WDR37: variants seen among roughly 807,000 people sequenced by gnomAD.
WDR37 encodes WD repeat-containing protein 37.
In WDR37, 19 loss-of-function variants were observed where a neutral mutation model predicts 62.9. The observed-to-expected ratio is 0.30, with a 90% confidence interval of 0.21 to 0.44. The LOEUF is 0.44. WDR37 is among the 20% of genes least tolerant of loss of function. The pLI is 1.00. For synonymous variants in WDR37, 250 were observed against 260.9 expected, an observed-to-expected ratio of 0.96 and a Z score of 0.40; for missense variants, 474 against 657.6, an observed-to-expected ratio of 0.72 and a Z score of 3.05.
rs573278368 is a variant in WDR37, at chr10:1,121,700, C to T, written c.1104-2518C>T. On this transcript the variant is annotated intron_variant, in intron 11 of 13. Transcript: ENST00000263150. The surrounding 1 kb of genome is among the most constrained non-coding windows in gnomAD (Gnocchi z 4.5). ...TAGTTTCTAATGTGCCTGGGCAGGG[C>T]GGCTGCTACATCCACAGGCCAGGAT... 3.9e-5 allele frequency among the ~76,000 whole-genome samples: 6 copies of T among 152,284 alleles called. No homozygotes were observed. The highest frequency in any genetic ancestry group is 9.6e-5 in the African/African-American group (4 of 41,568).
rs1835563490 is a variant in WDR37, at chr10:1,121,072, T to C, written c.1104-3146T>C. Among the ~76,000 whole-genome samples, 1 of 152,232 alleles carries C rather than the reference T, an allele frequency of 6.6e-6. No homozygotes were observed. The highest frequency in any genetic ancestry group is 2.4e-5 in the African/African-American group (1 of 41,472). On this transcript the variant is annotated intron_variant, in intron 11 of 13. Coordinates refer to ENST00000263150, the MANE Select transcript of WDR37 (RefSeq NM_014023.4). The surrounding 1 kb of genome is among the most constrained non-coding windows in gnomAD (Gnocchi z 4.5). ...TTGGCAGCGTCGGAACCATTTCCAGTGCACGGCCGTGCGCGCCAGCCTCCC... is the reference window on the plus strand; with the variant it reads ...TTGGCAGCGTCGGAACCATTTCCAGCGCACGGCCGTGCGCGCCAGCCTCCC...
chr10:1,089,613 TTCAACCTTCCCATGCTCACCCACAA>T, intron 7 of WDR37, among the ~76,000 whole-genome samples: 1 of 151,800 alleles, frequency 6.6e-6, no homozygotes, highest in Admixed American at 6.6e-5. Flanking sequence ...TCACCCACAA[TTCAACCTTCCCATGCTCACCCACAA>T]TTCAGCCTTC....
At chr10:1,099,671 G>A (rs888479026) in intron 9 of WDR37, among the ~76,000 whole-genome samples, 6 of 152,278 alleles carry the variant, frequency 3.9e-5, no homozygotes, top group Non-Finnish European at 5.9e-5. Flanking sequence ...GATGAAACAA[G>A]TGAAATGTGT....
intron 8 of WDR37, among the ~76,000 whole-genome samples, chr10:1,095,444 T>C (rs1008032736): frequency 6.6e-6 from 1 of 151,814 alleles, no homozygotes. Flanking sequence ...TAGACTGGGA[T>C]TGGGCATGAT....
chr10:1,062,344 G>C (rs1236135666), intron 1 of WDR37, among the ~76,000 whole-genome samples: 4 of 152,194 alleles, frequency 2.6e-5, no homozygotes, highest in African/African-American at 9.6e-5. Context: ...TAAAATCAGT[G>C]ATCCAAAACT....
chr10:1,117,617 C>T (rs1331703690), intron 11 of WDR37, among the ~76,000 whole-genome samples: 1 of 152,204 alleles, frequency 6.6e-6, no homozygotes, highest in Admixed American at 6.5e-5. Flanking sequence ...CTCAAAACTT[C>T]CTAACTGTGA....
intron 1 of WDR37, among the ~76,000 whole-genome samples, chr10:1,061,403 G>T (rs1188889772): frequency 1.3e-5 from 2 of 152,152 alleles, no homozygotes; most frequent in Non-Finnish European, 2.9e-5. Flanking sequence ...TGCTACGCCG[G>T]TTGAGCATCC....
chr10:1,057,149 T>A (rs10047397), intron 1 of WDR37, among the ~76,000 whole-genome samples, 181 bp downstream of exon 1: 150,844 of 152,028 alleles, frequency 0.99, 74,842 homozygotes, highest in Middle Eastern at 1. Context: ...GTCGGGTCCC[T>A]GGAGGACCCG....
At chr10:1,077,317 G>A (rs1833907054) in intron 2 of WDR37, among the ~76,000 whole-genome samples, 1 of 152,180 alleles carries the variant, frequency 6.6e-6, no homozygotes, top group Admixed American at 6.5e-5. Flanking sequence ...AGCGTGGCCT[G>A]GGCAGGAAAT....
At position 1,125,011 on chromosome 10, in the gene WDR37, G is replaced by A. The variant is rs768199735; in HGVS notation, c.1340G>A (p.Arg447Gln). Residue 447 changes from arginine to glutamine, a missense_variant, in exon 13 of 14, where the codon CGG becomes CAG. Transcript: ENST00000263150. ...GGAGTGCGCCTGGCGCGGCTTCCCCGGAGCAGCCGACAGGTAACAGCACGG... is the reference window on the plus strand; with the variant it reads ...GGAGTGCGCCTGGCGCGGCTTCCCCAGAGCAGCCGACAGGTAACAGCACGG... ...MSGVRLARLP[R>Q]SSRQGHRRMV... 18 of 1,614,204 alleles carry A rather than the reference G, an allele frequency of 1.1e-5. No homozygotes were observed. Among genetic ancestry groups the A allele is most frequent in the South Asian group, 7.7e-5 (7 of 91,084 alleles).
At chr10:1,058,611 T>C (rs1167464069) in intron 1 of WDR37, among the ~76,000 whole-genome samples, 1 of 152,284 alleles carries the variant, frequency 6.6e-6, no homozygotes, top group Non-Finnish European at 1.5e-5. Context: ...TGATTAATGG[T>C]ATTTCCTAAT....
At chr10:1,073,774 C>T (rs1833789711) in intron 2 of WDR37, among the ~76,000 whole-genome samples, 1 of 152,222 alleles carries the variant, frequency 6.6e-6, no homozygotes, top group Non-Finnish European at 1.5e-5. Flanking sequence ...CCTGTGTCCT[C>T]ACAGAGTTGT....
chr10:1,070,989 A>G (rs1833709973), intron 1 of WDR37, among the ~76,000 whole-genome samples: 1 of 152,274 alleles, frequency 6.6e-6, no homozygotes, highest in Admixed American at 6.5e-5. Flanking sequence ...GGCTGGGCAC[A>G]CCAGAAATAA....
intron 11 of WDR37, among the ~76,000 whole-genome samples, chr10:1,123,024 T>C (rs1160324636): frequency 6.6e-6 from 1 of 152,266 alleles, no homozygotes; most frequent in Non-Finnish European, 1.5e-5. Flanking sequence ...GAAACCTTTC[T>C]TCCCCCTCTC....
intron 1 of WDR37, among the ~76,000 whole-genome samples, chr10:1,063,847 C>T (rs1833451764): frequency 6.6e-6 from 1 of 152,060 alleles, no homozygotes; most frequent in Admixed American, 6.6e-5. Flanking sequence ...CAACTTCCAC[C>T]TCACCGTCCA....
chr10:1,129,379 G>A lies in WDR37; in HGVS notation c.*35G>A. ...CAGCCCTTAGTTTCACTGTTTGCCAGCACAGACCTTTGATGGGTGCAGGCT... is the reference window on the plus strand; with the variant it reads ...CAGCCCTTAGTTTCACTGTTTGCCAACACAGACCTTTGATGGGTGCAGGCT... On this transcript the variant is annotated 3_prime_UTR_variant, in exon 14 of 14. Coordinates refer to ENST00000263150, the MANE Select transcript of WDR37 (RefSeq NM_014023.4). The A allele has an allele frequency of 1.2e-6, 2 of 1,612,948 alleles. No individual in the cohort carries two copies. Among genetic ancestry groups the A allele is most frequent in the Non-Finnish European group, 1.7e-6 (2 of 1,179,182 alleles).
chr10:1,065,892 C>T (rs1036781860), intron 1 of WDR37, among the ~76,000 whole-genome samples: 1 of 149,932 alleles, frequency 6.7e-6, no homozygotes, highest in Non-Finnish European at 1.5e-5. Context: ...ATAAAACTGT[C>T]CTTTTTTTTT....
chr10:1,064,747 C>T (rs1426369042), intron 1 of WDR37, among the ~76,000 whole-genome samples: 1 of 151,944 alleles, frequency 6.6e-6, no homozygotes. Flanking sequence ...CATGCCACAT[C>T]ACGCCTGGCT....
Position 1,121,422 on chromosome 10 carries a change from C to A in WDR37, c.1104-2796C>A, listed in dbSNP as rs938825212. Reference sequence around the variant, plus strand: ...CCTCATTGTAACCTTCTCACTGAAGCGTGGCAGCGTCTGATTTATAGTCAA... The same window carrying A: ...CCTCATTGTAACCTTCTCACTGAAGAGTGGCAGCGTCTGATTTATAGTCAA... On this transcript the variant is annotated intron_variant, in intron 11 of 13. Coordinates refer to ENST00000263150, the MANE Select transcript of WDR37 (RefSeq NM_014023.4). The surrounding 1 kb of genome is among the most constrained non-coding windows in gnomAD (Gnocchi z 4.5). 6.6e-6 allele frequency among the ~76,000 whole-genome samples: 1 copy of A among 152,126 alleles called. No homozygotes were observed. Among genetic ancestry groups the A allele is most frequent in the Non-Finnish European group, 1.5e-5 (1 of 68,034 alleles).
Sources: allele counts gnomAD v4.1 joint callset (sites outside exome capture counted in the v4.1 genomes callset), GRCh38; gene constraint gnomAD v4.1.1; non-coding constraint Gnocchi (gnomAD v3.1); transcripts MANE v1.5; gene names NCBI Gene and HGNC (gene_info 2026-07-23, HGNC 2026-07-21).